Variants in POLG observed in about 807,000 individuals in gnomAD.
POLG encodes the protein DNA polymerase subunit gamma-1.
Under a neutral mutation model 155.4 loss-of-function variants are expected in POLG, and 110 were observed. That is an observed-to-expected ratio of 0.71 (90% CI 0.61 to 0.83). The LOEUF (loss-of-function observed/expected upper bound fraction) is 0.83, where lower values mean the gene tolerates loss of function less well. Ranked by LOEUF, POLG falls within the 40% of genes least tolerant of loss-of-function variation. The probability of loss-of-function intolerance (pLI) is 0.00; values close to 1 mark genes in which losing one functional copy is unlikely to be tolerated. For synonymous variants in POLG, 701 were observed against 631.5 expected, an observed-to-expected ratio of 1.11 and a Z score of -1.65; for missense variants, 1,685 against 1,627.5, an observed-to-expected ratio of 1.04 and a Z score of -0.61.
chr15:89,325,101 A>G (rs62022589), intron 10 of POLG, among the ~76,000 whole-genome samples: 2 of 71,052 alleles, frequency 2.8e-5, no homozygotes, highest in African/African-American at 1.3e-4. Flanking sequence ...AGTGAGTGAG[A>G]GAGTGAGAGA....
At chr15:89,320,038 G>T (rs1044031002) in intron 18 of POLG, among the ~76,000 whole-genome samples, 1 of 152,220 alleles carries the variant, frequency 6.6e-6, no homozygotes. Context: ...CTCACGGTAT[G>T]AGCCTTACCC....
At position 89,333,475 on chromosome 15, in the gene POLG, T is replaced by A. The variant is rs778753625; in HGVS notation, c.280A>T (p.Met94Leu). 1 of 1,612,262 alleles carries A rather than the reference T, an allele frequency of 6.2e-7. No individual in the cohort carries two copies. The highest frequency in any genetic ancestry group is 8.5e-7 in the Non-Finnish European group (1 of 1,179,682). The change falls in exon 2 of 23, where the codon ATG becomes TTG. Residue 94 changes from methionine to leucine, a missense_variant. By Grantham distance (15) the Met-to-Leu change is conservative (BLOSUM62 2). Around this residue, in one of 3 missense-constraint regions of POLG, gnomAD observed 1,210 missense variants for 1,167.1 expected, o/e 1.04. Transcript: ENST00000268124. The part of the protein sequence containing the change: ...HEQIFGQGGE[M>L]PGEAAVRRSV... ...CGGCGCACCGCGGCCTCGCCAGGCA[T>A]CTCCCCTCCTTGCCCGAAGATTTGC... is the stretch of plus-strand genomic sequence containing the variant.
chr15:89,324,203 C>G lies in POLG; in HGVS notation c.1974G>C (p.Lys658Asn), dbSNP rs1229982179. Reference protein sequence around the residue: ...PYRAIESLYRKHCLEQGKQQL... With the variant: ...PYRAIESLYRNHCLEQGKQQL... ...GCTGCTTCCCCTGTTCGAGACAGTG[C>G]TTCCTGTACAGGGACTCGATGGCTC... is the stretch of plus-strand genomic sequence containing the variant. The change falls in exon 11 of 23, where the codon AAG (lysine) becomes AAC (asparagine). Residue 658 changes from lysine to asparagine, a missense_variant. Coordinates refer to ENST00000268124, the MANE Select transcript of POLG (RefSeq NM_002693.3). 1 of 1,613,332 alleles carries G rather than the reference C, an allele frequency of 6.2e-7. No individual in the cohort carries two copies. The highest frequency in any genetic ancestry group is 1.3e-5 in the African/African-American group (1 of 74,952).
intron 6 of POLG, 115 bp from the exon 7 acceptor site, chr15:89,327,464 G>C: frequency 1.1e-6 from 1 of 908,908 alleles, no homozygotes; most frequent in Non-Finnish European, 1.8e-6. Flanking sequence ...CAGCTCAAAA[G>C]TCAGACGGCA....
At chr15:89,318,452 C>T in intron 21 of POLG, 89 bp downstream of exon 21, 1 of 1,086,576 alleles carries the variant, frequency 9.2e-7, no homozygotes, top group Non-Finnish European at 1.4e-6. Context: ...GATGAAAAGT[C>T]AAAACTGACC....
chr15:89,323,829 G>A lies in POLG; in HGVS notation c.2143C>T (p.Gln715Ter), dbSNP rs1254855971. The A allele has an allele frequency of 2.5e-6, 4 of 1,613,492 alleles. No homozygotes were observed. Among genetic ancestry groups the A allele is most frequent in the Non-Finnish European group, 3.4e-6 (4 of 1,179,526 alleles). ...MENLRAAVPG[Q>*]PLALTARGGP... ...GCACTGCTCACCAGAGCTAGGGGTTGACCTGGCACTGCAGCTCGCAAGTTC... is the reference window on the plus strand; with the variant it reads ...GCACTGCTCACCAGAGCTAGGGGTTAACCTGGCACTGCAGCTCGCAAGTTC... The change falls in exon 12 of 23, where the codon CAA becomes TAA. Residue 715 changes from glutamine (Q) to a stop codon, truncating the protein, a stop_gained. Coordinates refer to ENST00000268124, the MANE Select transcript of POLG (RefSeq NM_002693.3). LOFTEE classifies it high-confidence loss of function.
rs1195443541 is a variant in POLG at position 89,325,053 on chromosome 15, T to TGAGA, written c.1949+393_1949+396dup. On this transcript the variant is annotated intron_variant, in intron 10 of 22. Transcript: ENST00000268124. ...TGAACCCAGAGAGTGAGTGAGTGAGTGAGAGAGTGAGTGAGTGAGTGAGTG... is the reference window on the plus strand; with the variant it reads ...TGAACCCAGAGAGTGAGTGAGTGAGTGAGAGAGAGAGTGAGTGAGTGAGTGAGTG... Among the ~76,000 whole-genome samples, 37 of 87,572 alleles carry TGAGA rather than the reference T, an allele frequency of 4.2e-4. 6 individuals carry two copies. The highest frequency in any genetic ancestry group is 2.3e-3 in the African/African-American group (35 of 15,398). The allele number at this position is 87,572 out of a possible 152,430, so 57.5% of individuals were successfully genotyped here.
intron 3 of POLG, 58 bp from the exon 4 acceptor site, chr15:89,329,168 G>A: frequency 6.9e-7 from 1 of 1,453,156 alleles, no homozygotes; most frequent in Non-Finnish European, 9.4e-7. Flanking sequence ...TGTGGGGCCA[G>A]CCCACCACTG....
rs775569901 is a variant in POLG at position 89,316,462 on chromosome 15, G to A, written c.*289C>T. ...CCAAGAAGAAAAGGAAAAAATAAATGAAATGCCTGAGTTAATGTGAACTTT... is the reference window on the plus strand; with the variant it reads ...CCAAGAAGAAAAGGAAAAAATAAATAAAATGCCTGAGTTAATGTGAACTTT... On this transcript the variant is annotated 3_prime_UTR_variant, in exon 23 of 23. Transcript: ENST00000268124. 8 of 1,607,576 alleles carry A rather than the reference G, an allele frequency of 5.0e-6. No homozygotes were observed. Among genetic ancestry groups the A allele is most frequent in the Non-Finnish European group, 6.8e-6 (8 of 1,176,358 alleles).
In POLG at chr15:89,333,747, C is replaced by G. The variant is rs121918045; in HGVS notation, c.8G>C (p.Arg3Pro). 6.5e-7 allele frequency: 1 copy of G among 1,535,292 alleles called. No homozygotes were observed. Among genetic ancestry groups the G allele is most frequent in the Non-Finnish European group, 8.7e-7 (1 of 1,146,476 alleles). MS[R>P]LLWRKVAGAT... ...GCCGGCCACCTTCCTCCAGAGCAGG[C>G]GGCTCATGGTTGGTGCAGGGACCCC... is the stretch of plus-strand genomic sequence containing the variant. Residue 3 changes from arginine (R) to proline (P), a missense_variant, in exon 2 of 23, where the codon CGC (arginine) becomes CCC (proline). Coordinates refer to ENST00000268124, the MANE Select transcript of POLG (RefSeq NM_002693.3).
At chr15:89,322,522 A>T (rs1271141390) in intron 14 of POLG, among the ~76,000 whole-genome samples, 1 of 152,174 alleles carries the variant, frequency 6.6e-6, no homozygotes. Context: ...TGGAGCTACG[A>T]AGGGCTCTCA....
rs1358669217 is a variant in POLG, at chr15:89,333,750, C to T, written c.5G>A (p.Ser2Asn). The T allele has an allele frequency of 6.5e-7, 1 of 1,535,274 alleles. No homozygotes were observed. The highest frequency in any genetic ancestry group is 1.2e-5 in the South Asian group (1 of 84,130). Residue 2 changes from serine (S) to asparagine (N), a missense_variant, in exon 2 of 23, where the codon AGC becomes AAC. By Grantham distance (46) the Ser-to-Asn change is conservative. This residue lies in a region of POLG where 1,210 missense variants were observed against 1,167.1 expected (regional missense o/e 1.04). Transcript: ENST00000268124. Reference protein sequence around the residue: MSRLLWRKVAGA... With the variant: MNRLLWRKVAGA... ...GGCCACCTTCCTCCAGAGCAGGCGG[C>T]TCATGGTTGGTGCAGGGACCCCCAC... is the stretch of plus-strand genomic sequence containing the variant.
At chr15:89,323,735 C>T (rs755087419) in intron 12 of POLG, 80 bp downstream of exon 12, 7 of 1,204,124 alleles carry the variant, frequency 5.8e-6, no homozygotes, top group Non-Finnish European at 8.7e-6. Flanking sequence ...GGAACTCTGG[C>T]TGGGAAGAAC....
At position 89,330,167 on chromosome 15, in the gene POLG, T is replaced by A; in HGVS notation, c.769A>T (p.Thr257Ser). The A allele has an allele frequency of 1.2e-6, 2 of 1,613,910 alleles. No individual in the cohort carries two copies. The highest frequency in any genetic ancestry group is 1.7e-6 in the Non-Finnish European group (2 of 1,179,968). Residue 257 changes from threonine to serine, a missense_variant, in exon 3 of 23, where the codon ACC becomes TCC. This residue lies in a region of POLG where 1,210 missense variants were observed against 1,167.1 expected (regional missense o/e 1.04). Transcript: ENST00000268124. Reference protein sequence around the residue: ...LEVPTGASSPTQRDWQEQLVV... With the variant: ...LEVPTGASSPSQRDWQEQLVV... ...AACTGCTCCTGCCAGTCTCTCTGGG[T>A]GGGGCTGCTGGCACCAGTAGGGACC...
rs1567189605 is a variant in POLG at position 89,325,157 on chromosome 15, AGT to A, written c.1949+291_1949+292del. 3.0e-4 allele frequency among the ~76,000 whole-genome samples: 29 copies of A among 97,772 alleles called. 4 individuals carry two copies. Among genetic ancestry groups the A allele is most frequent in the South Asian group, 7.5e-4 (2 of 2,662 alleles). 64.1% of individuals were successfully genotyped at this position (97,772 alleles called of 152,430 possible). A position where few individuals can be genotyped will look rare whatever the true frequency, so the allele number is the denominator to read the frequency against. ...GAGTGAGTGAGAGAGTGAGTGAGTG[AGT>A]GAGTGAGTGAGAGAGTGAGAGAGTG... is the stretch of plus-strand genomic sequence containing the variant. On this transcript the variant is annotated intron_variant, in intron 10 of 22. Transcript: ENST00000268124.
rs2055351051 is a variant in POLG, at chr15:89,318,942, C to T, written c.3262G>A (p.Val1088Ile). The change falls in exon 20 of 23, where the codon GTC (valine) becomes ATC (isoleucine). Residue 1088 changes from valine to isoleucine, a missense_variant. By Grantham distance (29) the Val-to-Ile change is conservative (BLOSUM62 3). Transcript: ENST00000268124. Reference protein sequence around the residue: ...CISRALEPSAVQEEFMTSRVN... With the variant: ...CISRALEPSAIQEEFMTSRVN... ...AGGTAGCAAGATACCTCTTCCTGGA[C>T]AGCCGAGGGCTCCAGGGCTCGGCTG... is the stretch of plus-strand genomic sequence containing the variant. The T allele has an allele frequency of 3.1e-6, 5 of 1,614,164 alleles. No homozygotes were observed. Among genetic ancestry groups the T allele is most frequent in the Middle Eastern group, 3.3e-4 (2 of 6,062 alleles).
intron 18 of POLG, among the ~76,000 whole-genome samples, 174 bp downstream of exon 18, chr15:89,320,592 C>T (rs190083113): frequency 1.3e-5 from 2 of 152,330 alleles, no homozygotes; most frequent in East Asian, 3.9e-4. Flanking sequence ...ATAAAGCAAC[C>T]AAATGTCACA....
intron 6 of POLG, 138 bp from the exon 7 acceptor site, chr15:89,327,487 T>C (rs900595411): frequency 2.6e-6 from 2 of 764,730 alleles, no homozygotes; most frequent in African/African-American, 3.4e-5. Flanking sequence ...AAATCCCAGC[T>C]CTACTGTTAC....
At position 89,326,758 on chromosome 15, in the gene POLG, C is replaced by T. The variant is rs768707883; in HGVS notation, c.1586-20G>A. The T allele has an allele frequency of 3.7e-6, 6 of 1,613,944 alleles. No homozygotes were observed. Among genetic ancestry groups the T allele is most frequent in the African/African-American group, 1.3e-5 (1 of 74,924 alleles). ...CGAGGTCTGTGAGGGTGGGGGAAGA[C>T]AATCAGGAGCAGGAGAAGGAACTCT... On this transcript the variant is annotated intron_variant, in intron 8 of 22. Coordinates refer to ENST00000268124, the MANE Select transcript of POLG (RefSeq NM_002693.3).
Sources: allele counts gnomAD v4.1 joint callset (sites outside exome capture counted in the v4.1 genomes callset), GRCh38; gene constraint gnomAD v4.1.1; regional missense constraint gnomAD v4.1.1; transcripts MANE v1.5; gene names NCBI Gene and HGNC (gene_info 2026-07-23, HGNC 2026-07-21).